The following HIVEP3 variants were observed in gnomAD, a reference collection of about 807,000 sequenced individuals.
HIVEP3 encodes transcription factor HIVEP3.
Under a neutral mutation model 152.8 loss-of-function variants are expected in HIVEP3, and 49 were observed. The ratio of observed to expected loss-of-function variants is 0.32; its 90% confidence interval spans 0.26 to 0.41. The LOEUF is 0.41. Ranked by LOEUF, HIVEP3 falls within the 10% of genes least tolerant of loss-of-function variation. The pLI is 1.00. For synonymous variants in HIVEP3, 1,269 were observed against 1,289.0 expected (o/e 0.98, Z 0.33); for missense variants, 2,790 against 3,103.3 (o/e 0.90, Z 2.40).
chr1:42,005,047 C>G (rs1321771743), intron 1 of HIVEP3, among the ~76,000 whole-genome samples: 1 of 152,162 alleles, frequency 6.6e-6, no homozygotes, highest in Non-Finnish European at 1.5e-5. Context: ...GGACACTCCA[C>G]CTTAGGGACT....
At chr1:41,925,782 G>A (rs1294696697) in intron 1 of HIVEP3, among the ~76,000 whole-genome samples, 2 of 152,154 alleles carry the variant, frequency 1.3e-5, no homozygotes, top group African/African-American at 4.8e-5. Context: ...CTGTAAGGCT[G>A]CAAATGTTTC....
chr1:41,831,296 G>A (rs982784905), intron 1 of HIVEP3, among the ~76,000 whole-genome samples: 2 of 152,090 alleles, frequency 1.3e-5, no homozygotes, highest in African/African-American at 4.8e-5. Context: ...TAACCATCTG[G>A]GTGACCTCAG....
intron 1 of HIVEP3, among the ~76,000 whole-genome samples, chr1:41,975,710 A>G (rs1336575083): frequency 6.6e-6 from 1 of 152,242 alleles, no homozygotes; most frequent in African/African-American, 2.4e-5. Context: ...GGCCGCTCTC[A>G]AAGGACCTTT....
At chr1:41,829,276 A>T (rs1642892975) in intron 1 of HIVEP3, among the ~76,000 whole-genome samples, 1 of 152,284 alleles carries the variant, frequency 6.6e-6, no homozygotes, top group Non-Finnish European at 1.5e-5. Context: ...ATAGAAGTCC[A>T]GATGATGATG....
At chr1:41,544,838 C>CACTACCACCACCACCACCACCACT (rs1643659921) in intron 5 of HIVEP3, among the ~76,000 whole-genome samples, 1 of 118,776 alleles carries the variant, frequency 8.4e-6, no homozygotes, top group Non-Finnish European at 1.7e-5. Context: ...CCATCACCAC[C>CACTACCACCACCACCACCACCACT]ACCACTACCA....
At chr1:41,565,009 A>G (rs759024474) in intron 5 of HIVEP3, among the ~76,000 whole-genome samples, 6 of 152,232 alleles carry the variant, frequency 3.9e-5, no homozygotes, top group Non-Finnish European at 7.3e-5. Context: ...ACAGAGCGTC[A>G]GGTGCTGCTG....
chr1:41,914,916 G>T (rs1644848247), intron 1 of HIVEP3, among the ~76,000 whole-genome samples: 2 of 152,196 alleles, frequency 1.3e-5, no homozygotes, highest in East Asian at 3.9e-4. Flanking sequence ...TGAGGTTCAT[G>T]AATATTTTCT....
chr1:41,953,786 G>A (rs1645123689), intron 1 of HIVEP3, among the ~76,000 whole-genome samples: 1 of 152,200 alleles, frequency 6.6e-6, no homozygotes, highest in Non-Finnish European at 1.5e-5. Flanking sequence ...AAGAGAGGGA[G>A]AAGGAGAAGA....
chr1:41,619,802 C>T (rs1195705813), intron 3 of HIVEP3, among the ~76,000 whole-genome samples: 4 of 152,098 alleles, frequency 2.6e-5, no homozygotes, highest in Non-Finnish European at 4.4e-5. Context: ...GGCCTCAGTC[C>T]CCCAACCCCA....
chr1:41,688,252 C>A (rs566314236), intron 2 of HIVEP3, among the ~76,000 whole-genome samples: 3 of 152,356 alleles, frequency 2.0e-5, no homozygotes, highest in Admixed American at 6.5e-5. Flanking sequence ...CCTCTGGCCC[C>A]TCTGGGTGAC....
chr1:41,658,577 C>A (rs868805397), intron 2 of HIVEP3, among the ~76,000 whole-genome samples: 7 of 152,256 alleles, frequency 4.6e-5, no homozygotes, highest in African/African-American at 1.4e-4. Context: ...CTCACTTCAC[C>A]CCCCCCATGA....
At chr1:41,604,733 T>C (rs1436017266) in intron 3 of HIVEP3, among the ~76,000 whole-genome samples, 2 of 152,188 alleles carry the variant, frequency 1.3e-5, no homozygotes, top group African/African-American at 4.8e-5. Flanking sequence ...TATTCTGTAC[T>C]AGCAGCCTAA....
intron 1 of HIVEP3, among the ~76,000 whole-genome samples, chr1:41,802,700 G>A (rs548010496): frequency 8.5e-5 from 13 of 152,302 alleles, no homozygotes; most frequent in Admixed American, 6.5e-4. Flanking sequence ...GGAATGACAT[G>A]TAACAATTAA....
chr1:41,582,638 G>C lies in HIVEP3; in HGVS notation c.2160C>G (p.Ser720Arg). Residue 720 changes from serine to arginine, a missense_variant, in exon 4 of 9, where the codon AGC (serine) becomes AGG (arginine). By Grantham distance (110) the Ser-to-Arg change is moderately radical. Transcript: ENST00000372583. This position sits in a 1 kb window ranked among gnomAD's most constrained non-coding sequence, Gnocchi z 4.7. ...CAGGTGGCTCTTCCTCGTCCCCAAG[G>C]CTCTTCTCTTTCCTCCTCTTCCTCA... is the stretch of plus-strand genomic sequence containing the variant. ...TPLRKRRKEK[S>R]LGDEEEPPAF... is the part of the protein sequence containing the mutation. 1 of 1,614,062 alleles carries C rather than the reference G, an allele frequency of 6.2e-7. No homozygotes were observed. Among genetic ancestry groups the C allele is most frequent in the Non-Finnish European group, 8.5e-7 (1 of 1,180,006 alleles).
upstream of HIVEP3, among the ~76,000 whole-genome samples, chr1:41,919,964 C>A (rs1399755393): frequency 2.0e-5 from 3 of 152,170 alleles, no homozygotes; most frequent in Non-Finnish European, 4.4e-5. Flanking sequence ...TGGCTCACCT[C>A]GGGAGCTACA....
intron 1 of HIVEP3, among the ~76,000 whole-genome samples, chr1:41,907,331 G>C (rs1644729888): frequency 1.3e-5 from 2 of 152,182 alleles, no homozygotes. Flanking sequence ...AGAGAGGACA[G>C]AGGAAGCCAA....
chr1:41,825,065 C>G (rs1642756708), intron 1 of HIVEP3, among the ~76,000 whole-genome samples: 1 of 151,990 alleles, frequency 6.6e-6, no homozygotes, highest in African/African-American at 2.4e-5. Flanking sequence ...TTAGTGTGAG[C>G]AACAAGGCTG....
In HIVEP3 at chr1:41,581,740, A is replaced by C. The variant is rs757543853; in HGVS notation, c.3058T>G (p.Leu1020Val). Residue 1020 changes from leucine to valine, a missense_variant, in exon 4 of 9, where the codon TTG becomes GTG. By Grantham distance (32) the Leu-to-Val change is conservative. This residue lies in a region of HIVEP3 where 1,078 missense variants were observed against 1,165.3 expected (regional missense o/e 0.93). Coordinates refer to ENST00000372583, the MANE Select transcript of HIVEP3 (RefSeq NM_024503.5). The surrounding 1 kb of genome is among the most constrained non-coding windows in gnomAD (Gnocchi z 4.5). ...GGGGCTGGAGCAGAAGGGCCTGTCA[A>C]GGACAAGCTGCCATAGTCAAAGGAT... The part of the protein sequence containing the change: ...SKSFDYGSLS[L>V]TGPSAPAPVA... 2.4e-5 allele frequency: 38 copies of C among 1,606,464 alleles called. 1 individual carries two copies. In the Middle Eastern group the frequency reaches 6.6e-4, roughly 28 times the overall value.
chr1:41,728,565 C>T (rs1042447329), intron 1 of HIVEP3, among the ~76,000 whole-genome samples: 6 of 152,170 alleles, frequency 3.9e-5, no homozygotes, highest in Admixed American at 3.9e-4. Context: ...TTGGGATCTG[C>T]AGAGGGTGGA....
Sources: allele counts gnomAD v4.1 joint callset (sites outside exome capture counted in the v4.1 genomes callset), GRCh38; gene constraint gnomAD v4.1.1; regional missense constraint gnomAD v4.1.1; non-coding constraint Gnocchi (gnomAD v3.1); transcripts MANE v1.5; gene names NCBI Gene and HGNC (gene_info 2026-07-23, HGNC 2026-07-21).